Variants in PLCB1 observed in about 807,000 individuals in gnomAD.
The protein encoded by PLCB1 is phospholipase C beta 1, also known as 1-phosphatidylinositol 4,5-bisphosphate phosphodiesterase beta-1.
PLCB1 carries 46 observed loss-of-function variants against 161.8 expected under a neutral mutation model. The ratio of observed to expected loss-of-function variants is 0.28; its 90% CI spans 0.22 to 0.36. The LOEUF is 0.36. Among genes scored for constraint, PLCB1 ranks in the 10% least tolerant of loss-of-function variants. The pLI, the probability that PLCB1 is intolerant of heterozygous loss-of-function variation, is 1.00. For synonymous variants in PLCB1, 517 were observed against 503.7 expected, an observed-to-expected ratio of 1.03 and a Z score of -0.35; for missense variants, 1,016 against 1,472.5, an observed-to-expected ratio of 0.69 and a Z score of 5.07.
At chr20:8,408,942 C>G (rs1158842805) in intron 3 of PLCB1, among the ~76,000 whole-genome samples, 1 of 152,096 alleles carries the variant, frequency 6.6e-6, no homozygotes, top group African/African-American at 2.4e-5. Context: ...ATAAAGGGCT[C>G]TACAATCCAA....
At chr20:8,732,580 ATATAT>A (rs1319019760) in intron 18 of PLCB1, among the ~76,000 whole-genome samples, 1 of 145,458 alleles carries the variant, frequency 6.9e-6, no homozygotes, top group Admixed American at 6.9e-5. Flanking sequence ...TTATATTCTA[ATATAT>A]TGTATTAGAT....
chr20:8,740,661 A>G (rs1470024064), intron 22 of PLCB1, among the ~76,000 whole-genome samples: 2 of 152,174 alleles, frequency 1.3e-5, no homozygotes, highest in Non-Finnish European at 2.9e-5. Context: ...TAAAATCACA[A>G]CACCTCAGTT....
chr20:8,748,378 T>C (rs1323837684), intron 23 of PLCB1, among the ~76,000 whole-genome samples: 1 of 152,174 alleles, frequency 6.6e-6, no homozygotes, highest in Non-Finnish European at 1.5e-5. Flanking sequence ...GTTGAAGAAC[T>C]AGGGTCTTTT....
chr20:8,793,746 A>G (rs1466542184), intron 31 of PLCB1, among the ~76,000 whole-genome samples: 2 of 152,194 alleles, frequency 1.3e-5, no homozygotes, highest in Non-Finnish European at 2.9e-5. Context: ...TTTGGGCACC[A>G]TTGTCATTGA....
At chr20:8,600,277 T>A (rs1412100565) in intron 3 of PLCB1, among the ~76,000 whole-genome samples, 1 of 116,822 alleles carries the variant, frequency 8.6e-6, no homozygotes, top group Admixed American at 8.1e-5. Flanking sequence ...GATGGGTTTT[T>A]GGTGTGGATG....
intron 31 of PLCB1, among the ~76,000 whole-genome samples, chr20:8,823,361 G>C (rs1300754179): frequency 6.6e-6 from 1 of 152,134 alleles, no homozygotes; most frequent in Non-Finnish European, 1.5e-5. Context: ...GACCTCAGGT[G>C]ATCTGCCTGC....
At chr20:8,558,598 C>T (rs1986041717) in intron 3 of PLCB1, among the ~76,000 whole-genome samples, 4 of 151,790 alleles carry the variant, frequency 2.6e-5, no homozygotes, top group Middle Eastern at 3.4e-3. Context: ...TTGATGAACT[C>T]CAGGTAGGAT....
chr20:8,396,243 A>G (rs1223661626), intron 3 of PLCB1, among the ~76,000 whole-genome samples: 1 of 152,104 alleles, frequency 6.6e-6, no homozygotes, highest in Non-Finnish European at 1.5e-5. Flanking sequence ...TGTTGATGGC[A>G]TCTTTACCTC....
intron 31 of PLCB1, among the ~76,000 whole-genome samples, chr20:8,869,988 A>T (rs889245741): frequency 1.1e-4 from 16 of 152,242 alleles, no homozygotes; most frequent in African/African-American, 3.9e-4. Context: ...GTGAAAGCTA[A>T]GTAAGGGCTT....
chr20:8,456,028 C>T (rs966845735), intron 3 of PLCB1, among the ~76,000 whole-genome samples: 13 of 152,218 alleles, frequency 8.5e-5, no homozygotes, highest in African/African-American at 3.1e-4. Context: ...TAATCAATGA[C>T]TGATCTTGCT....
At chr20:8,508,155 G>T (rs1233033942) in intron 3 of PLCB1, among the ~76,000 whole-genome samples, 1 of 152,166 alleles carries the variant, frequency 6.6e-6, no homozygotes, top group African/African-American at 2.4e-5. Flanking sequence ...GATCAAGGGG[G>T]AGTAAAGGCA....
At chr20:8,609,231 A>G (rs1358220236) in intron 3 of PLCB1, among the ~76,000 whole-genome samples, 1 of 152,224 alleles carries the variant, frequency 6.6e-6, no homozygotes, top group African/African-American at 2.4e-5. Flanking sequence ...TTTCAATGGC[A>G]GAAGCTGCAA....
chr20:8,450,267 G>A (rs954945591), intron 3 of PLCB1, among the ~76,000 whole-genome samples: 2 of 152,142 alleles, frequency 1.3e-5, no homozygotes, highest in Non-Finnish European at 2.9e-5. Context: ...TTCACACGAA[G>A]TCTCTTTTCA....
chr20:8,227,637 T>C (rs936927992), intron 2 of PLCB1, among the ~76,000 whole-genome samples: 20 of 152,226 alleles, frequency 1.3e-4, no homozygotes, highest in African/African-American at 4.8e-4. Context: ...AATTGCTTTT[T>C]AGCTTAATGT....
In PLCB1 at chr20:8,826,219, G is replaced by C. The variant is rs1036573093; in HGVS notation, c.3423+35958G>C. Among the ~76,000 whole-genome samples, 37 of 152,292 alleles carry C rather than the reference G, an allele frequency of 2.4e-4. 1 individual carries two copies. The highest frequency in any genetic ancestry group is 8.2e-4 in the African/African-American group (34 of 41,566). On this transcript the variant is annotated intron_variant, in intron 31 of 31. Coordinates refer to ENST00000338037, the MANE Select transcript of PLCB1 (RefSeq NM_015192.4). ...TGACAAAGAAAAGAAGGCCTCACCAGGCGCAGCAGCTCACATCTGTAATCC... is the reference window on the plus strand; with the variant it reads ...TGACAAAGAAAAGAAGGCCTCACCACGCGCAGCAGCTCACATCTGTAATCC...
intron 3 of PLCB1, among the ~76,000 whole-genome samples, chr20:8,560,589 A>G (rs994474493): frequency 3.3e-5 from 5 of 152,042 alleles, no homozygotes; most frequent in African/African-American, 1.2e-4. Flanking sequence ...GTTTAACCAG[A>G]GCTGAACTCC....
At chr20:8,595,372 T>C (rs1220950303) in intron 3 of PLCB1, among the ~76,000 whole-genome samples, 2 of 140,320 alleles carry the variant, frequency 1.4e-5, no homozygotes, top group East Asian at 2.2e-4. Flanking sequence ...GTTCTTGCGA[T>C]AGTTTACTGA....
At chr20:8,342,986 T>C (rs1249605498) in intron 2 of PLCB1, among the ~76,000 whole-genome samples, 1 of 152,166 alleles carries the variant, frequency 6.6e-6, no homozygotes, top group African/African-American at 2.4e-5. Flanking sequence ...TTTTATACAA[T>C]TGGATTATAA....
chr20:8,822,674 T>A (rs1568613258), intron 31 of PLCB1, among the ~76,000 whole-genome samples: 1 of 152,148 alleles, frequency 6.6e-6, no homozygotes, highest in East Asian at 1.9e-4. Context: ...CCTGGATTAG[T>A]TGGTTAAACA....
Sources: gnomAD v4.1 joint callset for allele counts (sites outside exome capture counted in the v4.1 genomes callset) on GRCh38, gnomAD v4.1.1 for gene constraint, MANE v1.5 for transcripts, NCBI Gene and HGNC (gene_info 2026-07-23, HGNC 2026-07-21) for gene names.